The following ACBD6 variants were observed in gnomAD, a reference collection of about 807,000 sequenced individuals.
ACBD6 encodes acyl-CoA-binding domain-containing protein 6.
Under a neutral mutation model 37.2 loss-of-function variants are expected in ACBD6, and 28 were observed. The observed-to-expected ratio is 0.75, with a 90% CI of 0.56 to 1.03. The LOEUF (loss-of-function observed/expected upper bound fraction) is 1.03, where lower values mean the gene tolerates loss of function less well. Among genes scored for constraint, ACBD6 ranks in the 50% least tolerant of loss-of-function variants. The pLI is 0.00. For missense variants in ACBD6, 340 were observed against 337.4 expected (o/e 1.01, Z -0.06); for synonymous variants, 113 against 126.8 (o/e 0.89, Z 0.73).
At chr1:180,486,343 A>G (rs916113516) in intron 3 of ACBD6, among the ~76,000 whole-genome samples, 2 of 152,216 alleles carry the variant, frequency 1.3e-5, no homozygotes, top group African/African-American at 4.8e-5. Context: ...ATCAATGCAA[A>G]CCAAATGAAG....
At chr1:180,446,966 G>A (rs747502082) in intron 3 of ACBD6, among the ~76,000 whole-genome samples, 43 of 152,084 alleles carry the variant, frequency 2.8e-4, no homozygotes, top group Non-Finnish European at 4.9e-4. Flanking sequence ...GCTTGAACCC[G>A]GGAGGGAGAG....
intron 6 of ACBD6, among the ~76,000 whole-genome samples, chr1:180,348,774 T>G (rs574201073): frequency 6.6e-6 from 1 of 152,212 alleles, no homozygotes; most frequent in African/African-American, 2.4e-5. Context: ...TATACAAATG[T>G]TCCTTATTTC....
chr1:180,478,385 AAAC>A (rs1302632033), intron 3 of ACBD6, among the ~76,000 whole-genome samples: 1 of 152,204 alleles, frequency 6.6e-6, no homozygotes, highest in East Asian at 1.9e-4. Flanking sequence ...CCACTGAATT[AAAC>A]AACAATTCAA....
intron 4 of ACBD6, among the ~76,000 whole-genome samples, chr1:180,421,063 T>C (rs1648342667): frequency 6.6e-6 from 1 of 152,178 alleles, no homozygotes; most frequent in Non-Finnish European, 1.5e-5. Context: ...GCAGGTTTGC[T>C]ACATATGTAA....
intron 3 of ACBD6, among the ~76,000 whole-genome samples, chr1:180,471,456 G>GT (rs1422324531): frequency 8.0e-6 from 1 of 125,162 alleles, no homozygotes; most frequent in Non-Finnish European, 1.6e-5. Flanking sequence ...GAATTAGTCT[G>GT]TTTTCATGCT....
chr1:180,335,147 G>A (rs1410810739), intron 6 of ACBD6, among the ~76,000 whole-genome samples: 5 of 152,032 alleles, frequency 3.3e-5, no homozygotes, highest in Non-Finnish European at 7.4e-5. Flanking sequence ...TTCAAATTCA[G>A]GAAATACAGA....
intron 1 of ACBD6, 48 bp from the exon 2 acceptor site, chr1:180,495,573 T>C (rs755424723): frequency 2.1e-6 from 3 of 1,438,716 alleles, no homozygotes; most frequent in Non-Finnish European, 2.9e-6. Context: ...AAGAAATGTC[T>C]GGGAAACTTT....
intron 4 of ACBD6, among the ~76,000 whole-genome samples, chr1:180,419,776 C>T (rs1364294077): frequency 6.6e-6 from 1 of 152,118 alleles, no homozygotes; most frequent in African/African-American, 2.4e-5. Flanking sequence ...GGAAGTGGAT[C>T]ATCATAAAGG....
intron 1 of ACBD6, among the ~76,000 whole-genome samples, chr1:180,496,178 T>C (rs920348747): frequency 1.3e-5 from 2 of 152,212 alleles, no homozygotes; most frequent in Non-Finnish European, 2.9e-5. Context: ...GTAGTTAAAC[T>C]GCACAGTGAA....
chr1:180,501,191 A>T (rs748165009), intron 1 of ACBD6, among the ~76,000 whole-genome samples: 5 of 152,224 alleles, frequency 3.3e-5, no homozygotes, highest in Non-Finnish European at 7.3e-5. Context: ...AAAGAAGGGC[A>T]TTATTTCCTC....
chr1:180,436,060 C>A (rs1649023472), intron 3 of ACBD6: 1 of 616,634 alleles, frequency 1.6e-6, no homozygotes, highest in Admixed American at 2.8e-5. Context: ...ATATGTTAGA[C>A]CTCCAGGTTA....
chr1:180,339,310 A>G (rs1651876595), intron 6 of ACBD6, among the ~76,000 whole-genome samples: 2 of 152,258 alleles, frequency 1.3e-5, no homozygotes, highest in South Asian at 4.1e-4. Context: ...GACTGGATTA[A>G]GAAAATATGG....
At chr1:180,403,233 C>A (rs778092862) in intron 5 of ACBD6, among the ~76,000 whole-genome samples, 1 of 151,906 alleles carries the variant, frequency 6.6e-6, no homozygotes, top group Non-Finnish European at 1.5e-5. Flanking sequence ...CTTTCTGGGG[C>A]GACAGCAATG....
chr1:180,492,222 G>C lies in ACBD6; in HGVS notation c.384+47C>G, dbSNP rs777920889. 4 of 1,355,648 alleles carry C rather than the reference G, an allele frequency of 3.0e-6. No individual in the cohort carries two copies. In the East Asian group the frequency reaches 6.9e-5, roughly 23 times the overall value. The allele number at this position is 1,355,648 out of a possible 1,614,324, so 84.0% of individuals were successfully genotyped here. ...AGTTTTAGACATTTATTTCAGAGAA[G>C]GATCATAAGTTTTTGGAAAGTATTA... On this transcript the variant is annotated intron_variant, in intron 3 of 7. Coordinates refer to ENST00000367595, the MANE Select transcript of ACBD6 (RefSeq NM_032360.4).
In ACBD6 at chr1:180,474,155, T is replaced by G. The variant is rs538730363; in HGVS notation, c.384+18114A>C. 6.0e-4 allele frequency among the ~76,000 whole-genome samples: 91 copies of G among 152,318 alleles called. 1 individual carries two copies. Among genetic ancestry groups the G allele is most frequent in the African/African-American group, 2.2e-3 (91 of 41,574 alleles). ...TATTCATTTACAATTTCCAATTTAT[T>G]CATAATTCTGCTAATATTCACTTAT... is the stretch of plus-strand genomic sequence containing the variant. On this transcript the variant is annotated intron_variant, in intron 3 of 7. Coordinates refer to ENST00000367595, the MANE Select transcript of ACBD6 (RefSeq NM_032360.4).
At chr1:180,294,257 G>A (rs1649830131) in intron 7 of ACBD6, among the ~76,000 whole-genome samples, 1 of 152,062 alleles carries the variant, frequency 6.6e-6, no homozygotes. Flanking sequence ...TCCTGGCCAG[G>A]TGCGGTGGCT....
At chr1:180,475,857 T>C (rs927940932) in intron 3 of ACBD6, among the ~76,000 whole-genome samples, 7 of 152,220 alleles carry the variant, frequency 4.6e-5, no homozygotes, top group African/African-American at 1.7e-4. Context: ...TACCATATGA[T>C]GGAAAATGCT....
intron 7 of ACBD6, among the ~76,000 whole-genome samples, chr1:180,308,591 A>C (rs140378768): frequency 4.1e-4 from 62 of 152,318 alleles, no homozygotes; most frequent in African/African-American, 1.4e-3. Flanking sequence ...TCTTTTTACC[A>C]ATAGGCCAAC....
intron 7 of ACBD6, among the ~76,000 whole-genome samples, chr1:180,290,746 C>A (rs141120253): frequency 6.6e-6 from 1 of 152,106 alleles, no homozygotes; most frequent in African/African-American, 2.4e-5. Context: ...TTGCAGAATG[C>A]GAAAATACCA....
Sources: gnomAD v4.1 joint callset for allele counts (sites outside exome capture counted in the v4.1 genomes callset) on GRCh38, gnomAD v4.1.1 for gene constraint, MANE v1.5 for transcripts, NCBI Gene and HGNC (gene_info 2026-07-23, HGNC 2026-07-21) for gene names.